The following PDE1C variants were observed in gnomAD, a reference collection of about 807,000 sequenced individuals.
The protein encoded by PDE1C is phosphodiesterase 1C.
A neutral mutation model predicts 93.1 loss-of-function variants in PDE1C; 62 were observed. The observed-to-expected ratio is 0.67, with a 90% CI of 0.54 to 0.82. PDE1C has a LOEUF of 0.82. Among genes scored for constraint, PDE1C ranks in the 40% least tolerant of loss-of-function variants. PDE1C has a pLI of 0.00. For missense variants in PDE1C, 742 were observed against 884.6 expected (o/e 0.84, Z 2.04); for synonymous variants, 325 against 310.1 (o/e 1.05, Z -0.50).
intron 3 of PDE1C, among the ~76,000 whole-genome samples, chr7:32,089,406 G>A (rs776910278): frequency 6.6e-6 from 1 of 152,162 alleles, no homozygotes; most frequent in Non-Finnish European, 1.5e-5. Context: ...GGCTAGCTCT[G>A]TGTCTGATCA....
At chr7:31,783,744 T>C (rs1783637967) in intron 16 of PDE1C, 1 of 152,178 alleles carries the variant, frequency 6.6e-6, no homozygotes, top group Admixed American at 6.5e-5. Flanking sequence ...GGAGATATGA[T>C]GCTATGGCAT....
chr7:31,828,506 C>CT, intron 11 of PDE1C, 133 bp from the exon 12 acceptor site: 1 of 597,652 alleles, frequency 1.7e-6, no homozygotes, highest in East Asian at 2.8e-5. Context: ...TAAAATAAGT[C>CT]TTTATGGAGC....
At chr7:31,841,200 C>CCTCTCTCTGT (rs1554361885) in intron 9 of PDE1C, among the ~76,000 whole-genome samples, 1 of 40,192 alleles carries the variant, frequency 2.5e-5, no homozygotes, top group Non-Finnish European at 5.0e-5. Context: ...TGTCTCTCTC[C>CCTCTCTCTGT]CTCTCTCTGT....
chr7:31,779,706 C>T (rs1240076329), intron 16 of PDE1C, among the ~76,000 whole-genome samples: 1 of 152,058 alleles, frequency 6.6e-6, no homozygotes, highest in Admixed American at 6.5e-5. Flanking sequence ...GGGCCATTGG[C>T]GGGGGGTTAG....
At chr7:31,815,729 G>A (rs1471754645) in intron 15 of PDE1C, among the ~76,000 whole-genome samples, 195 bp downstream of exon 15, 1 of 152,134 alleles carries the variant, frequency 6.6e-6, no homozygotes, top group Non-Finnish European at 1.5e-5. Context: ...TCTCCCTGAA[G>A]AGGATGGCAC....
chr7:31,645,818 A>G, the PDE1C span, among the ~76,000 whole-genome samples: 1 of 151,404 alleles, frequency 6.6e-6, no homozygotes, highest in Non-Finnish European at 1.5e-5. Flanking sequence ...AAAACATCCT[A>G]AAATACAGAG....
intron 1 of PDE1C, among the ~76,000 whole-genome samples, chr7:32,306,192 C>A (rs1376280): frequency 0.03 from 4,536 of 152,248 alleles, 101 homozygotes; most frequent in Admixed American, 0.065. Flanking sequence ...TCCGTTAAAC[C>A]TCTTTTTCTT....
intron 3 of PDE1C, among the ~76,000 whole-genome samples, chr7:32,143,593 A>T (rs1350875828): frequency 6.6e-6 from 1 of 152,080 alleles, no homozygotes; most frequent in Non-Finnish European, 1.5e-5. Flanking sequence ...AACAGTTCCC[A>T]GAAAAAGAGA....
At chr7:32,375,182 T>C (rs1055863087) in intron 1 of PDE1C, among the ~76,000 whole-genome samples, 15 of 152,168 alleles carry the variant, frequency 9.9e-5, no homozygotes, top group South Asian at 2.1e-4. Context: ...AAGAGAGCTA[T>C]GTAGAATCAC....
chr7:32,183,342 A>C (rs1803579889), intron 2 of PDE1C, among the ~76,000 whole-genome samples: 1 of 152,096 alleles, frequency 6.6e-6, no homozygotes, highest in South Asian at 2.1e-4. Flanking sequence ...CGCATTGCCA[A>C]GTCAATCCTA....
chr7:31,978,909 G>A (rs1812022803), intron 2 of PDE1C, among the ~76,000 whole-genome samples: 1 of 152,084 alleles, frequency 6.6e-6, no homozygotes, highest in Non-Finnish European at 1.5e-5. Context: ...GAAAGGTTTG[G>A]TATATTTCCT....
At chr7:32,218,358 G>A (rs1017688213) in intron 1 of PDE1C, among the ~76,000 whole-genome samples, 5 of 152,190 alleles carry the variant, frequency 3.3e-5, no homozygotes, top group African/African-American at 1.2e-4. Flanking sequence ...GATGCATCAG[G>A]GCTGATAATT....
At chr7:31,954,883 G>A (rs1447438163) in intron 2 of PDE1C, among the ~76,000 whole-genome samples, 2 of 152,232 alleles carry the variant, frequency 1.3e-5, no homozygotes, top group Non-Finnish European at 2.9e-5. Flanking sequence ...GTAGTACACA[G>A]ATGTAAGTTT....
At chr7:31,907,067 T>C (rs1179935358) in intron 2 of PDE1C, among the ~76,000 whole-genome samples, 2 of 75,398 alleles carry the variant, frequency 2.7e-5, no homozygotes, top group East Asian at 9.1e-4. Flanking sequence ...TCTTGATATG[T>C]GGGGTGTGTG....
At chr7:31,676,813 GA>G in the PDE1C span, among the ~76,000 whole-genome samples, 3 of 150,862 alleles carry the variant, frequency 2.0e-5, no homozygotes, top group Admixed American at 6.6e-5. Context: ...CCTAATGAAA[GA>G]AAAAAAAAGT....
At chr7:31,650,993 G>T in the PDE1C span, 1 of 723,826 alleles carries the variant, frequency 1.4e-6, no homozygotes, top group East Asian at 3.2e-5. Flanking sequence ...CCCAAATATT[G>T]GGCTCTTCCT....
chr7:32,365,856 G>A (rs1007594278), intron 1 of PDE1C, among the ~76,000 whole-genome samples: 6 of 151,710 alleles, frequency 4.0e-5, no homozygotes, highest in Admixed American at 2.0e-4. Context: ...GAGATTACAC[G>A]ACTGTGTCCA....
intron 2 of PDE1C, among the ~76,000 whole-genome samples, chr7:31,958,701 A>G (rs988145532): frequency 6.6e-6 from 1 of 152,306 alleles, no homozygotes; most frequent in African/African-American, 2.4e-5. Flanking sequence ...ACTAGGTGCT[A>G]TATACACATT....
At chr7:32,355,516 C>T (rs1211564383) in intron 1 of PDE1C, among the ~76,000 whole-genome samples, 1 of 140,210 alleles carries the variant, frequency 7.1e-6, no homozygotes, top group South Asian at 2.9e-4. Flanking sequence ...ACCATCCCCT[C>T]AAATCTTTCT....
Sources: allele counts gnomAD v4.1 joint callset (sites outside exome capture counted in the v4.1 genomes callset), GRCh38; gene constraint gnomAD v4.1.1; transcripts MANE v1.5; gene names NCBI Gene and HGNC (gene_info 2026-07-23, HGNC 2026-07-21).